Variants in GABRR1 observed in about 807,000 individuals in gnomAD.
The protein encoded by GABRR1 is gamma-aminobutyric acid receptor subunit rho-1.
A neutral mutation model predicts 55.5 loss-of-function variants in GABRR1; 59 were observed. That is an observed-to-expected ratio of 1.06 (90% CI 0.86 to 1.32). The LOEUF (loss-of-function observed/expected upper bound fraction) is 1.32. Ranked by LOEUF, GABRR1 falls within the 40% of genes most tolerant of loss-of-function variation. The pLI is 0.00. For synonymous variants in GABRR1, 213 were observed against 226.0 expected, an observed-to-expected ratio of 0.94 and a Z score of 0.51; for missense variants, 602 against 619.1, an observed-to-expected ratio of 0.97 and a Z score of 0.29.
chr6:89,180,215 G>A (rs1012359818), intron 9 of GABRR1, 77 bp downstream of exon 9: 3 of 1,498,790 alleles, frequency 2.0e-6, no homozygotes, highest in Admixed American at 4.2e-5. Context: ...TTACAGAGAA[G>A]GTCTGCCCTG....
chr6:89,215,289 C>T (rs531682103), intron 1 of GABRR1, among the ~76,000 whole-genome samples: 2 of 152,292 alleles, frequency 1.3e-5, no homozygotes, highest in South Asian at 4.1e-4. Flanking sequence ...ATAGAAACAA[C>T]CTAAGTGTCC....
intron 6 of GABRR1, among the ~76,000 whole-genome samples, chr6:89,186,641 A>G (rs1582378464): frequency 6.6e-6 from 1 of 152,390 alleles, no homozygotes; most frequent in South Asian, 2.1e-4. Flanking sequence ...ATGGAGGCAG[A>G]AGCTGCCCAG....
Position 89,196,110 on chromosome 6 carries a change from G to A in GABRR1, c.572+1910C>T, listed in dbSNP as rs76620178. Among the ~76,000 whole-genome samples the A allele has an allele frequency of 7.1e-3, 1,080 of 152,190 alleles. 5 individuals carry two copies. The highest frequency in any genetic ancestry group is 0.017 in the Middle Eastern group (5 of 294). On this transcript the variant is annotated intron_variant, in intron 5 of 9. Coordinates refer to ENST00000454853, the MANE Select transcript of GABRR1 (RefSeq NM_002042.5). ...TAAAGTTTCTATATAGTTTTTCATT[G>A]TTTCACTTTTGTCTTACTAATGGAA...
At chr6:89,224,037 A>T (rs944845242) in intron 1 of GABRR1, among the ~76,000 whole-genome samples, 8 of 151,448 alleles carry the variant, frequency 5.3e-5, no homozygotes, top group African/African-American at 1.7e-4. Flanking sequence ...CCGGGATTAC[A>T]GGCATGAGCC....
chr6:89,225,929 GT>G (rs1363433614), intron 1 of GABRR1, among the ~76,000 whole-genome samples: 1 of 147,612 alleles, frequency 6.8e-6, no homozygotes, highest in East Asian at 1.9e-4. Flanking sequence ...AGCACCTGTT[GT>G]TTCCTGACTT....
At chr6:89,179,155 G>A (rs2127787926) in intron 9 of GABRR1, 92 bp from the exon 10 acceptor site, 3 of 1,304,848 alleles carry the variant, frequency 2.3e-6, no homozygotes, top group African/African-American at 1.5e-5. Flanking sequence ...GTGTTGCCTG[G>A]TTTCTGGTAT....
At chr6:89,183,160 C>CA (rs56208298) in intron 7 of GABRR1, among the ~76,000 whole-genome samples, 1,799 of 138,036 alleles carry the variant, frequency 0.013, 58 homozygotes, top group African/African-American at 0.045. Flanking sequence ...AAAAAAAAGA[C>CA]AAAAAAAAAA....
intron 5 of GABRR1, among the ~76,000 whole-genome samples, chr6:89,190,713 T>C (rs767723586): frequency 3.9e-5 from 6 of 152,250 alleles, no homozygotes; most frequent in Non-Finnish European, 8.8e-5. Context: ...GCACTTTTTC[T>C]TTAACGATGT....
At position 89,201,066 on chromosome 6, in the gene GABRR1, G is replaced by A. The variant is rs541776785; in HGVS notation, c.280+93C>T. On this transcript the variant is annotated intron_variant, in intron 3 of 9. Coordinates refer to ENST00000454853, the MANE Select transcript of GABRR1 (RefSeq NM_002042.5). The stretch of plus-strand genomic sequence containing the variant: ...CACAACTGAGGCAGACCGGGTCAGC[G>A]GAGAGCAAAGCTGTGCTGTCCCTTG... 127 of 880,856 alleles carry A rather than the reference G, an allele frequency of 1.4e-4. No homozygotes were observed. In the African/African-American group the frequency reaches 1.8e-3, roughly 13 times the overall value. The allele number at this position is 880,856 out of a possible 1,614,324, so 54.6% of individuals were successfully genotyped here.
chr6:89,179,154 G>C, intron 9 of GABRR1, 91 bp from the exon 10 acceptor site: 1 of 1,307,370 alleles, frequency 7.6e-7, no homozygotes, highest in South Asian at 1.4e-5. Context: ...GGTGTTGCCT[G>C]GTTTCTGGTA....
chr6:89,223,353 T>A (rs935555422), intron 1 of GABRR1, among the ~76,000 whole-genome samples: 4 of 152,220 alleles, frequency 2.6e-5, no homozygotes, highest in Non-Finnish European at 5.9e-5. Context: ...TCCAGATCCA[T>A]CCAGGTTGCT....
chr6:89,203,501 A>G lies in GABRR1; in HGVS notation c.123-16T>C. On this transcript the variant is annotated splice_polypyrimidine_tract_variant and intron_variant, in intron 1 of 9. Transcript: ENST00000454853. ...TCTTTGGGGCCTACCATGAACATTA[A>G]AAATAAAGACATTGTAGAGAAAGTC... 1 of 1,583,632 alleles carries G rather than the reference A, an allele frequency of 6.3e-7. No homozygotes were observed. The highest frequency in any genetic ancestry group is 8.7e-7 in the Non-Finnish European group (1 of 1,152,446).
chr6:89,230,597 G>A lies in GABRR1; in HGVS notation c.-411+619C>T, dbSNP rs1171252941. ...CTCGGGGGTCAGGGGTCAGGGACCC[G>A]CTTGAGGAGGCAGTCTGCCGGTTCT... On this transcript the variant is annotated intron_variant, in intron 1 of 11. Transcript: ENST00000369451. Among the ~76,000 whole-genome samples the A allele has an allele frequency of 4.1e-3, 626 of 152,110 alleles. 6 individuals carry two copies. Among genetic ancestry groups the A allele is most frequent in the African/African-American group, 0.013 (527 of 41,482 alleles).
rs566427137 is a variant in GABRR1, at chr6:89,216,400, C to T, written c.122+801G>A. On this transcript the variant is annotated intron_variant, in intron 1 of 9. Transcript: ENST00000454853. ...CTAAGAAAGGACCAAGAATCAACAA[C>T]GCCCTACTGTCTCCATTTCCTCATC... is the stretch of plus-strand genomic sequence containing the variant. Among the ~76,000 whole-genome samples the T allele has an allele frequency of 3.9e-5, 6 of 152,320 alleles. No homozygotes were observed. In the South Asian group the frequency reaches 8.3e-4, roughly 21 times the overall value.
At chr6:89,214,022 A>G (rs1772911405) in intron 1 of GABRR1, among the ~76,000 whole-genome samples, 1 of 144,802 alleles carries the variant, frequency 6.9e-6, no homozygotes, top group Non-Finnish European at 1.5e-5. Flanking sequence ...TTTTCTATAT[A>G]TAAGATCATG....
intron 6 of GABRR1, among the ~76,000 whole-genome samples, chr6:89,187,795 G>A (rs554398622): frequency 6.6e-5 from 10 of 152,190 alleles, no homozygotes; most frequent in South Asian, 2.1e-4. Flanking sequence ...AGCATGTATC[G>A]GAAATCCTTG....
chr6:89,190,086 C>G, intron 6 of GABRR1, 79 bp downstream of exon 6: 1 of 962,526 alleles, frequency 1.0e-6, no homozygotes, highest in Non-Finnish European at 1.6e-6. Context: ...GGAACACACA[C>G]TGTTCCTGCA....
At chr6:89,188,017 ATT>A (rs139520160) in intron 6 of GABRR1, among the ~76,000 whole-genome samples, 5 of 144,060 alleles carry the variant, frequency 3.5e-5, no homozygotes, top group Non-Finnish European at 1.5e-5. Flanking sequence ...TATGTTCTTA[ATT>A]TTTTTTTTTT....
chr6:89,210,884 G>A (rs965725106), intron 1 of GABRR1, among the ~76,000 whole-genome samples: 2 of 151,208 alleles, frequency 1.3e-5, no homozygotes, highest in African/African-American at 2.4e-5. Context: ...AGCTGCAGAA[G>A]CTCAGAAGTA....
Sources: gnomAD v4.1 joint callset for allele counts (sites outside exome capture counted in the v4.1 genomes callset) on GRCh38, gnomAD v4.1.1 for gene constraint, MANE v1.5 for transcripts, NCBI Gene and HGNC (gene_info 2026-07-23, HGNC 2026-07-21) for gene names.